Variants in CNKSR3 observed in about 807,000 individuals in gnomAD.
CNKSR3 encodes CNKSR family member 3.
In CNKSR3, 36 loss-of-function variants were observed where a neutral mutation model predicts 67.7. The ratio of observed to expected loss-of-function variants is 0.53; its 90% CI spans 0.41 to 0.70. The LOEUF is 0.70. CNKSR3 is among the 30% of genes least tolerant of loss of function. The probability of loss-of-function intolerance (pLI) is 0.00; values close to 1 mark genes in which losing one functional copy is unlikely to be tolerated. For synonymous variants in CNKSR3, 281 were observed against 271.4 expected (o/e 1.04, Z -0.35); for missense variants, 630 against 695.2 (o/e 0.91, Z 1.05).
intron 1 of CNKSR3, among the ~76,000 whole-genome samples, chr6:154,478,012 C>T (rs779250835): frequency 2.0e-5 from 3 of 152,158 alleles, no homozygotes; most frequent in South Asian, 4.1e-4. Context: ...GCAGCGAACA[C>T]ACAAACCCAG....
intron 1 of CNKSR3, among the ~76,000 whole-genome samples, chr6:154,503,966 T>G (rs1245902755): frequency 6.6e-6 from 1 of 152,158 alleles, no homozygotes; most frequent in Non-Finnish European, 1.5e-5. Flanking sequence ...TCTCTAATTG[T>G]GATGGGTGCA....
intron 1 of CNKSR3, among the ~76,000 whole-genome samples, chr6:154,463,198 T>A (rs1301805859): frequency 1.3e-5 from 2 of 149,874 alleles, no homozygotes; most frequent in African/African-American, 2.5e-5. Flanking sequence ...GCCTCCCGAG[T>A]AGCTGGGACT....
intron 1 of CNKSR3, among the ~76,000 whole-genome samples, chr6:154,484,502 G>A (rs1287271123): frequency 2.6e-5 from 4 of 151,990 alleles, no homozygotes; most frequent in African/African-American, 7.3e-5. Context: ...TCAGGAGTTC[G>A]AGACCAGCCT....
At chr6:154,415,111 A>C (rs1207696864) in intron 9 of CNKSR3, among the ~76,000 whole-genome samples, 2 of 150,584 alleles carry the variant, frequency 1.3e-5, no homozygotes, top group East Asian at 3.9e-4. Flanking sequence ...AAAAAAAAAA[A>C]AAAAAAAAAA....
chr6:154,468,532 A>G (rs1198710794), intron 1 of CNKSR3, among the ~76,000 whole-genome samples: 2 of 151,954 alleles, frequency 1.3e-5, no homozygotes, highest in East Asian at 3.9e-4. Flanking sequence ...ACTTTTTGAA[A>G]TTACCGACTC....
chr6:154,453,738 C>G (rs1785889051), intron 1 of CNKSR3, among the ~76,000 whole-genome samples: 1 of 152,032 alleles, frequency 6.6e-6, no homozygotes, highest in Admixed American at 6.6e-5. Context: ...TTACGCAGTC[C>G]CACAAAGGAG....
At chr6:154,431,440 C>CAAA (rs34060385) in intron 5 of CNKSR3, among the ~76,000 whole-genome samples, 7 of 93,526 alleles carry the variant, frequency 7.5e-5, no homozygotes, top group Non-Finnish European at 1.7e-4. Flanking sequence ...GAGACTCTGT[C>CAAA]AAAAAAAAAA....
At chr6:154,509,925 G>T in intron 1 of CNKSR3, 138 bp downstream of exon 1, 1 of 908,186 alleles carries the variant, frequency 1.1e-6, no homozygotes, top group Non-Finnish European at 1.8e-6. Context: ...AGGCCACTCG[G>T]CAGAAGTTTG....
intron 9 of CNKSR3, among the ~76,000 whole-genome samples, chr6:154,422,250 C>T (rs549032744): frequency 1.3e-5 from 2 of 152,298 alleles, no homozygotes; most frequent in African/African-American, 2.4e-5. Context: ...CCTCAGCCTC[C>T]CAAGTGCTGG....
At position 154,422,969 on chromosome 6, in the gene CNKSR3, T is replaced by C; in HGVS notation, c.744A>G (p.Arg248=). 1.2e-6 allele frequency: 2 copies of C among 1,611,782 alleles called. No individual in the cohort carries two copies. Among genetic ancestry groups the C allele is most frequent in the Non-Finnish European group, 1.7e-6 (2 of 1,178,206 alleles). The change falls in exon 8 of 13, where the codon AGA becomes AGG. Residue 248 remains arginine (R), a synonymous_variant. Transcript: ENST00000607772. The stretch of plus-strand genomic sequence containing the variant: ...CGTCACCAGCATGAATCTTCTGAGA[T>C]CTGTCTGCAGGAGACTGTACAGAAA... ...TGTTENSPAD[R]SQKIHAGDEV...
chr6:154,416,506 AG>A (rs1164554371), intron 9 of CNKSR3, among the ~76,000 whole-genome samples: 1 of 152,248 alleles, frequency 6.6e-6, no homozygotes, highest in African/African-American at 2.4e-5. Flanking sequence ...AAAGTAAACT[AG>A]AACATTTCCA....
intron 9 of CNKSR3, among the ~76,000 whole-genome samples, chr6:154,420,631 GT>G (rs1156606150): frequency 2.8e-5 from 4 of 141,472 alleles, no homozygotes; most frequent in Non-Finnish European, 6.0e-5. Flanking sequence ...GGAGCTTGCA[GT>G]GAGCCGAGAT....
At chr6:154,483,239 C>G (rs1309018490) in intron 1 of CNKSR3, among the ~76,000 whole-genome samples, 1 of 152,208 alleles carries the variant, frequency 6.6e-6, no homozygotes, top group Non-Finnish European at 1.5e-5. Context: ...TAGTCACAGC[C>G]TGTTCATCAT....
chr6:154,488,733 C>T (rs1389400199), intron 1 of CNKSR3, among the ~76,000 whole-genome samples: 1 of 152,174 alleles, frequency 6.6e-6, no homozygotes, highest in Non-Finnish European at 1.5e-5. Flanking sequence ...AAAATAACAG[C>T]TATCCATGTC....
chr6:154,464,336 T>C (rs1046290545), intron 1 of CNKSR3, among the ~76,000 whole-genome samples: 1 of 152,050 alleles, frequency 6.6e-6, no homozygotes, highest in Non-Finnish European at 1.5e-5. Flanking sequence ...CCACTGAGGT[T>C]CTCAAAAGGA....
intron 9 of CNKSR3, among the ~76,000 whole-genome samples, chr6:154,418,797 G>C (rs1464309712): frequency 1.3e-5 from 2 of 152,046 alleles, no homozygotes; most frequent in African/African-American, 4.8e-5. Flanking sequence ...GGTGACAAAA[G>C]CAAAAACAGA....
At chr6:154,441,601 A>T (rs1317407069) in intron 3 of CNKSR3, among the ~76,000 whole-genome samples, 1 of 152,188 alleles carries the variant, frequency 6.6e-6, no homozygotes, top group Non-Finnish European at 1.5e-5. Context: ...CTCCTGCCTC[A>T]GCCTCCCGAG....
rs555389688 is a variant in CNKSR3, at chr6:154,402,736, T to C, written c.*3618A>G. The C allele has an allele frequency of 5.9e-5, 9 of 152,300 alleles. No homozygotes were observed. Among genetic ancestry groups the C allele is most frequent in the South Asian group, 2.1e-4 (1 of 4,820 alleles). The allele number at this position is 152,300 out of a possible 1,614,324, so 9.4% of individuals were successfully genotyped here. On this transcript the variant is annotated 3_prime_UTR_variant, in exon 13 of 13. Coordinates refer to ENST00000607772, the MANE Select transcript of CNKSR3 (RefSeq NM_173515.4). ...AACTTTATCTAAAGAATTGGCCACA[T>C]TTTAGAAAATCATACTGCTGACATC...
chr6:154,481,720 A>G (rs1296442798), intron 1 of CNKSR3, among the ~76,000 whole-genome samples: 1 of 152,200 alleles, frequency 6.6e-6, no homozygotes, highest in African/African-American at 2.4e-5. Flanking sequence ...CAGAGCACTG[A>G]AAAAAATGAG....
Sources: allele counts gnomAD v4.1 joint callset (sites outside exome capture counted in the v4.1 genomes callset), GRCh38; gene constraint gnomAD v4.1.1; transcripts MANE v1.5; gene names NCBI Gene and HGNC (gene_info 2026-07-23, HGNC 2026-07-21).